PHLPP1: variants seen among roughly 807,000 people sequenced by gnomAD.
The protein encoded by PHLPP1 is PH domain and leucine rich repeat protein phosphatase 1, also known as PH domain leucine-rich repeat-containing protein phosphatase 1.
In PHLPP1, 42 loss-of-function variants were observed where a neutral mutation model predicts 117.2. The ratio of observed to expected loss-of-function variants is 0.36; its 90% confidence interval spans 0.28 to 0.46. The LOEUF (loss-of-function observed/expected upper bound fraction) is 0.46. PHLPP1 is among the 20% of genes least tolerant of loss of function. PHLPP1 has a pLI of 1.00. For synonymous variants in PHLPP1, 1,042 were observed against 970.7 expected, an observed-to-expected ratio of 1.07 and a Z score of -1.37; for missense variants, 2,084 against 2,241.9, an observed-to-expected ratio of 0.93 and a Z score of 1.42.
At chr18:62,777,654 G>T (rs1913001176) in intron 1 of PHLPP1, among the ~76,000 whole-genome samples, 1 of 152,084 alleles carries the variant, frequency 6.6e-6, no homozygotes. Context: ...TAGAAGCTCT[G>T]TAGTTTTAAG....
Position 62,717,018 on chromosome 18 carries a change from G to A in PHLPP1, c.1335G>A (p.Pro445=). ...AGAAGGCAGCGGCAGCCGTGGCCCC[G>A]GGAGGCCTCCAGTCTACCCCCGGGA... ...CEEKAAAAVA[P]GGLQSTPGRS... The change falls in exon 1 of 17, where the codon CCG becomes CCA. Residue 445 remains proline (P), a synonymous_variant. Coordinates refer to ENST00000262719, the MANE Select transcript of PHLPP1 (RefSeq NM_194449.4). 5 of 1,544,822 alleles carry A rather than the reference G, an allele frequency of 3.2e-6. No homozygotes were observed. The East Asian group carries it at 1.2e-4, about 38-fold the overall frequency.
At chr18:62,732,358 C>G (rs1390308095) in intron 1 of PHLPP1, among the ~76,000 whole-genome samples, 1 of 152,160 alleles carries the variant, frequency 6.6e-6, no homozygotes, top group African/African-American at 2.4e-5. Context: ...TGTCTGTGCT[C>G]TATGAGTGGA....
intron 1 of PHLPP1, among the ~76,000 whole-genome samples, chr18:62,725,762 T>C (rs1568094857): frequency 6.6e-6 from 1 of 152,230 alleles, no homozygotes; most frequent in African/African-American, 2.4e-5. Flanking sequence ...TAGATTTCAT[T>C]TTAATTTAAT....
At chr18:62,832,537 T>C (rs956017050) in intron 2 of PHLPP1, among the ~76,000 whole-genome samples, 3 of 152,232 alleles carry the variant, frequency 2.0e-5, no homozygotes, top group Admixed American at 1.3e-4. Context: ...GTTTCCCAGG[T>C]CTGTTACTGG....
chr18:62,844,464 A>G (rs1036835988), intron 3 of PHLPP1, among the ~76,000 whole-genome samples: 2 of 152,142 alleles, frequency 1.3e-5, no homozygotes, highest in African/African-American at 2.4e-5. Flanking sequence ...AGAAAATATC[A>G]AATATTCTGA....
Position 62,715,700 on chromosome 18 carries a change from C to A in PHLPP1, c.17C>A (p.Ala6Glu), listed in dbSNP as rs756047746. 1 of 1,287,448 alleles carries A rather than the reference C, an allele frequency of 7.8e-7. No individual in the cohort carries two copies. The highest frequency in any genetic ancestry group is 3.5e-5 in the Admixed American group (1 of 28,718). 79.8% of individuals were successfully genotyped at this position (1,287,448 alleles called of 1,614,324 possible). A position where few individuals can be genotyped will look rare whatever the true frequency, so the allele number is the denominator to read the frequency against. The change falls in exon 1 of 17, where the codon GCG becomes GAG. Residue 6 changes from alanine (A) to glutamate (E), a missense_variant. By Grantham distance (107) the Ala-to-Glu change is moderately radical (BLOSUM62 -1). This residue lies in a region of PHLPP1 where 719 missense variants were observed against 636.0 expected (regional missense o/e 1.13). Transcript: ENST00000262719. ...CCCACTGCAATGGAGCCCGCCGCCG[C>A]GGCCACGGTACAGCGACTCCCCGAG... is the stretch of plus-strand genomic sequence containing the variant. The part of the protein sequence containing the change: MEPAA[A>E]ATVQRLPELG...
intron 8 of PHLPP1, among the ~76,000 whole-genome samples, chr18:62,913,739 CTT>C (rs398033174): frequency 3.0e-5 from 3 of 100,738 alleles, no homozygotes; most frequent in South Asian, 6.8e-4. Flanking sequence ...CTCTCTCTCT[CTT>C]TTTTTTTTTT....
chr18:62,851,459 A>ATATT (rs1915348278), intron 3 of PHLPP1, among the ~76,000 whole-genome samples: 1 of 152,118 alleles, frequency 6.6e-6, no homozygotes, highest in African/African-American at 2.4e-5. Flanking sequence ...ACCATCTCTC[A>ATATT]TATTTATTTA....
intron 1 of PHLPP1, among the ~76,000 whole-genome samples, chr18:62,777,594 G>T (rs1912999217): frequency 6.6e-6 from 1 of 151,756 alleles, no homozygotes; most frequent in Non-Finnish European, 1.5e-5. Flanking sequence ...AATTTGTGAG[G>T]TGTTTTTTGC....
intron 11 of PHLPP1, among the ~76,000 whole-genome samples, chr18:62,942,716 C>T (rs1296483522): frequency 4.6e-5 from 7 of 152,194 alleles, no homozygotes; most frequent in South Asian, 2.1e-4. Context: ...CACACACCCA[C>T]GCATCAAAGA....
At chr18:62,884,103 T>A (rs938261097) in intron 4 of PHLPP1, among the ~76,000 whole-genome samples, 6 of 152,250 alleles carry the variant, frequency 3.9e-5, no homozygotes, top group African/African-American at 1.4e-4. Flanking sequence ...ATTTGTACTC[T>A]GTGTATTATG....
At chr18:62,885,574 C>T (rs185676217) in intron 4 of PHLPP1, among the ~76,000 whole-genome samples, 2 of 152,194 alleles carry the variant, frequency 1.3e-5, no homozygotes, top group Admixed American at 6.5e-5. Context: ...GCAGAAGAAT[C>T]GCTTGAACCT....
intron 1 of PHLPP1, among the ~76,000 whole-genome samples, chr18:62,770,687 T>G (rs1327232634): frequency 6.6e-6 from 1 of 152,156 alleles, no homozygotes; most frequent in Non-Finnish European, 1.5e-5. Context: ...AGATTGAATA[T>G]TCCATTTCCA....
chr18:62,824,297 T>TA, intron 1 of PHLPP1: 2 of 404,074 alleles, frequency 4.9e-6, no homozygotes, highest in Admixed American at 3.5e-5. Flanking sequence ...GTGTTCTCCA[T>TA]CAAAATAGAA....
At chr18:62,733,055 A>G (rs1911270750) in intron 1 of PHLPP1, among the ~76,000 whole-genome samples, 1 of 152,372 alleles carries the variant, frequency 6.6e-6, no homozygotes, top group East Asian at 1.9e-4. Flanking sequence ...TTAGAATATT[A>G]CATAAACTTA....
chr18:62,804,304 C>T (rs546918506), intron 1 of PHLPP1, among the ~76,000 whole-genome samples: 83 of 152,150 alleles, frequency 5.5e-4, no homozygotes, highest in African/African-American at 2.0e-3. Flanking sequence ...GTAAGGGTTA[C>T]GATTTATGAT....
chr18:62,791,887 T>C (rs1462554030), intron 1 of PHLPP1, among the ~76,000 whole-genome samples: 2 of 152,160 alleles, frequency 1.3e-5, no homozygotes, highest in African/African-American at 4.8e-5. Flanking sequence ...TTAGGTAAAT[T>C]GGATTCGTAC....
intron 1 of PHLPP1, among the ~76,000 whole-genome samples, chr18:62,812,355 G>T (rs974401637): frequency 6.6e-6 from 1 of 152,188 alleles, no homozygotes; most frequent in African/African-American, 2.4e-5. Flanking sequence ...ACTTGACTCA[G>T]TTGGAGCTGT....
intron 1 of PHLPP1, among the ~76,000 whole-genome samples, chr18:62,785,545 C>T (rs1039391434): frequency 5.3e-5 from 8 of 152,170 alleles, no homozygotes; most frequent in African/African-American, 1.9e-4. Context: ...TAACATCCTT[C>T]TGGGGAGAAG....
Sources: gnomAD v4.1 joint callset for allele counts (sites outside exome capture counted in the v4.1 genomes callset) on GRCh38, gnomAD v4.1.1 for gene constraint, gnomAD v4.1.1 regional missense constraint, MANE v1.5 for transcripts, NCBI Gene and HGNC (gene_info 2026-07-23, HGNC 2026-07-21) for gene names.